CPLANE1: variants seen among roughly 807,000 people sequenced by gnomAD.
CPLANE1 encodes the protein ciliogenesis and planar polarity effector 1.
CPLANE1 carries 263 observed loss-of-function variants against 362.5 expected under a neutral mutation model. The ratio of observed to expected loss-of-function variants is 0.73; its 90% CI spans 0.66 to 0.80. The LOEUF (loss-of-function observed/expected upper bound fraction) is 0.80. Ranked by LOEUF, CPLANE1 falls within the 30% of genes least tolerant of loss-of-function variation. The pLI is 0.00. For synonymous variants in CPLANE1, 1,212 were observed against 1,302.6 expected, an observed-to-expected ratio of 0.93 and a Z score of 1.50; for missense variants, 3,461 against 3,793.4, an observed-to-expected ratio of 0.91 and a Z score of 2.30.
Position 37,183,276 on chromosome 5 carries a change from A to C in CPLANE1, c.4905T>G (p.Asn1635Lys), listed in dbSNP as rs779567146. The C allele has an allele frequency of 6.2e-7, 1 of 1,613,530 alleles. No homozygotes were observed. Among genetic ancestry groups the C allele is most frequent in the Non-Finnish European group, 8.5e-7 (1 of 1,179,880 alleles). ...SYESEKSSSL[N>K]DEYGMHLENQ... ...TTTCTAAATGCATGCCATATTCATC[A>C]TTTAAAGAGGATGATTTTTCTGATT... Residue 1635 changes from asparagine (N) to lysine (K), a missense_variant, in exon 26 of 53, where the codon AAT becomes AAG. Around this residue, in one of 2 missense-constraint regions of CPLANE1, gnomAD observed 3,380 missense variants for 3,666.1 expected, o/e 0.92. Transcript: ENST00000651892.
At chr5:37,244,154 A>G (rs1738697524) in intron 5 of CPLANE1, among the ~76,000 whole-genome samples, 1 of 152,184 alleles carries the variant, frequency 6.6e-6, no homozygotes, top group Non-Finnish European at 1.5e-5. Context: ...CCGGCATAAC[A>G]AGCTATATTT....
chr5:37,140,480 C>T (rs924268549), intron 44 of CPLANE1: 22 of 983,914 alleles, frequency 2.2e-5, no homozygotes, highest in African/African-American at 1.6e-4. Context: ...CTAAGATTAG[C>T]GTAATAGTAA....
At position 37,169,513 on chromosome 5, in the gene CPLANE1, G is replaced by C; in HGVS notation, c.6511C>G (p.Arg2171Gly). ...GATGATGGAATTGGTCCTTTTTTCC[G>C]GGGCTGGCCATTTAATTGACATAAA... is the stretch of plus-strand genomic sequence containing the variant. ...IPLCQLNGQPRKKGPIPSSQN... is the reference protein window; with the variant it reads ...IPLCQLNGQPGKKGPIPSSQN... The change falls in exon 34 of 53, where the codon CGG becomes GGG. Residue 2171 changes from arginine (R) to glycine (G), a missense_variant. Transcript: ENST00000651892. 12 of 1,613,542 alleles carry C rather than the reference G, an allele frequency of 7.4e-6. No individual in the cohort carries two copies. Among genetic ancestry groups the C allele is most frequent in the Non-Finnish European group, 1.0e-5 (12 of 1,179,822 alleles).
In CPLANE1 at chr5:37,164,504, T is replaced by C. The variant is rs16903525; in HGVS notation, c.7534-177A>G. ...TATCAAAGTAACTCTACAAATGAATTCAGAAAATACATAAGCCAAACAATA... is the reference window on the plus strand; with the variant it reads ...TATCAAAGTAACTCTACAAATGAATCCAGAAAATACATAAGCCAAACAATA... On this transcript the variant is annotated intron_variant, in intron 36 of 52. Coordinates refer to ENST00000651892, the MANE Select transcript of CPLANE1 (RefSeq NM_001384732.1). Among the ~76,000 whole-genome samples, 3,252 of 152,264 alleles carry C rather than the reference T, an allele frequency of 0.021. 128 individuals carry two copies. The highest frequency in any genetic ancestry group is 0.075 in the African/African-American group (3,123 of 41,546).
At chr5:37,228,247 G>A (rs922816528) in intron 9 of CPLANE1, among the ~76,000 whole-genome samples, 3 of 152,066 alleles carry the variant, frequency 2.0e-5, no homozygotes, top group Admixed American at 6.5e-5. Context: ...GGAGAGAATG[G>A]TGGTGAGTAA....
intron 41 of CPLANE1, among the ~76,000 whole-genome samples, chr5:37,154,459 C>CTTGTTTTTTTTTTTTT (rs1774451808): frequency 1.2e-5 from 1 of 84,622 alleles, no homozygotes; most frequent in African/African-American, 5.7e-5. Context: ...TGCAATAGTT[C>CTTGTTTTTTTTTTTTT]TTTTTTTTTT....
chr5:37,238,757 C>T, intron 8 of CPLANE1, 100 bp downstream of exon 8: 1 of 547,920 alleles, frequency 1.8e-6, no homozygotes, highest in Non-Finnish European at 3.0e-6. Context: ...CCTTGGTTTC[C>T]CAAAGTGCTA....
intron 47 of CPLANE1, among the ~76,000 whole-genome samples, chr5:37,124,215 G>GA (rs1304088009): frequency 1.3e-5 from 2 of 151,796 alleles, no homozygotes; most frequent in African/African-American, 4.8e-5. Context: ...TAATGATGCT[G>GA]AAAAAAATGA....
chr5:37,157,384 C>G lies in CPLANE1; in HGVS notation c.8048G>C (p.Arg2683Thr). The change falls in exon 41 of 53, where the codon AGA (arginine) becomes ACA (threonine). Residue 2683 changes from arginine to threonine, a missense_variant. This residue lies in a region of CPLANE1 where 3,380 missense variants were observed against 3,666.1 expected (regional missense o/e 0.92). Transcript: ENST00000651892. The part of the protein sequence containing the change: ...TPACLDGKSL[R>T]AGITEVKEPS... ...CTCCTTCACTTCTGTAATGCCTGCT[C>G]TCAAGCTTTTTCCATCCAGACAAGC... 1 of 1,423,496 alleles carries G rather than the reference C, an allele frequency of 7.0e-7. No homozygotes were observed. Among genetic ancestry groups the G allele is most frequent in the Non-Finnish European group, 9.4e-7 (1 of 1,068,702 alleles). 88.2% of individuals were successfully genotyped at this position (1,423,496 alleles called of 1,614,324 possible). A position where few individuals can be genotyped will look rare whatever the true frequency, so the allele number is the denominator to read the frequency against.
intron 36 of CPLANE1, 125 bp from the exon 37 acceptor site, chr5:37,164,452 A>G (rs978327591): frequency 7.7e-6 from 5 of 647,510 alleles, no homozygotes; most frequent in Admixed American, 2.8e-5. Flanking sequence ...CATTCTAGAC[A>G]TAAGTATTCT....
At chr5:37,215,939 T>G (rs906990647) in intron 15 of CPLANE1, among the ~76,000 whole-genome samples, 1 of 151,942 alleles carries the variant, frequency 6.6e-6, no homozygotes, top group Non-Finnish European at 1.5e-5. Flanking sequence ...TTAGGCCATC[T>G]TCCCGCCTCA....
chr5:37,195,707 A>G (rs1787207485), intron 21 of CPLANE1, 151 bp downstream of exon 21: 3 of 603,776 alleles, frequency 5.0e-6, no homozygotes, highest in Admixed American at 3.7e-5. Context: ...TATCATATAT[A>G]TATACATAGC....
At chr5:37,154,463 T>C (rs1007432919) in intron 41 of CPLANE1, among the ~76,000 whole-genome samples, 4 of 124,712 alleles carry the variant, frequency 3.2e-5, no homozygotes, top group Non-Finnish European at 4.6e-5. Flanking sequence ...ATAGTTCTTT[T>C]TTTTTTTTTT....
At chr5:37,151,320 T>C (rs182868336) in intron 42 of CPLANE1, among the ~76,000 whole-genome samples, 180 of 152,312 alleles carry the variant, frequency 1.2e-3, no homozygotes, top group Non-Finnish European at 2.3e-3. Flanking sequence ...CAAAGCCTCC[T>C]CTGATGCCAC....
rs758264035 is a variant in CPLANE1 at position 37,226,512 on chromosome 5, C to T, written c.2083G>A (p.Val695Ile). 46 of 1,548,376 alleles carry T rather than the reference C, an allele frequency of 3.0e-5. No homozygotes were observed. The highest frequency in any genetic ancestry group is 3.8e-5 in the Non-Finnish European group (43 of 1,145,950). Residue 695 changes from valine (V) to isoleucine (I), a missense_variant, in exon 12 of 53, where the codon GTA becomes ATA. Coordinates refer to ENST00000651892, the MANE Select transcript of CPLANE1 (RefSeq NM_001384732.1). Reference protein sequence around the residue: ...LLACFYLLKMVADNLNGVYIL... With the variant: ...LLACFYLLKMIADNLNGVYIL... ...TATACACCATTTAAATTGTCAGCTA[C>T]CATTTTGAGTAAATAAAAACAAGCT...
At position 37,164,134 on chromosome 5, in the gene CPLANE1, G is replaced by A. The variant is rs1332557250; in HGVS notation, c.7588+139C>T. On this transcript the variant is annotated intron_variant, in intron 37 of 52. Transcript: ENST00000651892. ...GTCAATTATCAAACCTGAGTTGAGG[G>A]GGGTGGAGTATAGGAACCCTTGAAT... 8 of 615,348 alleles carry A rather than the reference G, an allele frequency of 1.3e-5. No individual in the cohort carries two copies. The East Asian group carries it at 1.8e-4, about 14-fold the overall frequency. The allele number at this position is 615,348 out of a possible 1,614,324, so 38.1% of individuals were successfully genotyped here.
At chr5:37,103,767 G>A (rs1390541237), downstream of CPLANE1, among the ~76,000 whole-genome samples, 1 of 151,920 alleles carries the variant, frequency 6.6e-6, no homozygotes, top group Non-Finnish European at 1.5e-5. Flanking sequence ...CTTTTTTTAG[G>A]TGACCTGGCC....
chr5:37,113,805 T>G (rs2149961524), intron 51 of CPLANE1, among the ~76,000 whole-genome samples: 1 of 152,090 alleles, frequency 6.6e-6, no homozygotes, highest in Non-Finnish European at 1.5e-5. Flanking sequence ...TATAAACTAG[T>G]GGGGTTTTTT....
At chr5:37,151,671 G>C (rs1386531716) in intron 42 of CPLANE1, among the ~76,000 whole-genome samples, 1 of 152,204 alleles carries the variant, frequency 6.6e-6, no homozygotes, top group Non-Finnish European at 1.5e-5. Context: ...TTTCAAAAGA[G>C]ATTCTTTGAA....
Sources: gnomAD v4.1 joint callset for allele counts (sites outside exome capture counted in the v4.1 genomes callset) on GRCh38, gnomAD v4.1.1 for gene constraint, gnomAD v4.1.1 regional missense constraint, MANE v1.5 for transcripts, NCBI Gene and HGNC (gene_info 2026-07-23, HGNC 2026-07-21) for gene names.